Variants in THADA observed in about 807,000 individuals in gnomAD.
THADA encodes tRNA (32-2'-O)-methyltransferase regulator THADA.
THADA carries 213 observed loss-of-function variants against 219.8 expected under a neutral mutation model. The ratio of observed to expected loss-of-function variants is 0.97; its 90% CI spans 0.87 to 1.09. The LOEUF (loss-of-function observed/expected upper bound fraction) is 1.09, where lower values mean the gene tolerates loss of function less well. Ranked by LOEUF, THADA falls within the 50% of genes least tolerant of loss-of-function variation. The pLI is 0.00. For missense variants in THADA, 2,956 were observed against 2,311.3 expected (o/e 1.28, Z -5.72); for synonymous variants, 1,018 against 828.9 (o/e 1.23, Z -3.92).
In THADA at chr2:43,553,532, T is replaced by C. The variant is rs2103891703; in HGVS notation, c.2675-1193A>G. The stretch of plus-strand genomic sequence containing the variant: ...CCCTTATCAGGAGCTGGAAACTTGA[T>C]ATTGGAATTCTCTGCCTCTAAAATT... On this transcript the variant is annotated intron_variant, in intron 17 of 37. Coordinates refer to ENST00000405975, the MANE Select transcript of THADA (RefSeq NM_022065.5). 2.0e-5 allele frequency among the ~76,000 whole-genome samples: 3 copies of C among 152,270 alleles called. No homozygotes were observed. In the Middle Eastern group the frequency reaches 0.01, roughly 518 times the overall value.
chr2:43,425,743 G>A (rs1457757126), intron 28 of THADA, among the ~76,000 whole-genome samples: 1 of 152,146 alleles, frequency 6.6e-6, no homozygotes, highest in Non-Finnish European at 1.5e-5. Context: ...AATCAAGGGT[G>A]GTGCTTCTGC....
intron 25 of THADA, among the ~76,000 whole-genome samples, chr2:43,498,482 A>G (rs1688545471): frequency 6.6e-6 from 1 of 152,254 alleles, no homozygotes; most frequent in African/African-American, 2.4e-5. Context: ...AACAGCACAT[A>G]GATTGGGAGG....
intron 30 of THADA, among the ~76,000 whole-genome samples, chr2:43,339,291 A>G (rs1447909348): frequency 6.6e-6 from 1 of 152,092 alleles, no homozygotes; most frequent in Non-Finnish European, 1.5e-5. Context: ...TCATTCATTC[A>G]TTTTCTTGAG....
chr2:43,501,328 AAAAAAAAAAAAG>A, intron 24 of THADA, among the ~76,000 whole-genome samples: 1 of 146,432 alleles, frequency 6.8e-6, no homozygotes, highest in African/African-American at 2.6e-5. Context: ...AAAAAAAAAA[AAAAAAAAAAAAG>A]AGAGACTTTT....
chr2:43,248,230 G>GAC (rs1558464882), intron 36 of THADA, among the ~76,000 whole-genome samples: 1 of 142,916 alleles, frequency 7.0e-6, no homozygotes, highest in African/African-American at 2.7e-5. Flanking sequence ...GAGAGAGAGA[G>GAC]ACAGAGAGAG....
intron 29 of THADA, among the ~76,000 whole-genome samples, chr2:43,388,688 G>T (rs1175353722): frequency 6.6e-6 from 1 of 152,144 alleles, no homozygotes; most frequent in Admixed American, 6.6e-5. Context: ...TCTTTAACAT[G>T]ATCTACAGGA....
Position 43,428,111 on chromosome 2 carries a change from G to C in THADA, c.4047C>G (p.Pro1349=). Residue 1349 remains proline (P), a synonymous_variant, in exon 28 of 38, where the codon CCC becomes CCG. Transcript: ENST00000405975. ...CAGCATGACACTACCTCATAATGAA[G>C]GGAACAAAAGGTCCCATGCTGAGAG... ...SSALSMGPFV[P]FIMRCGHSPV... The C allele has an allele frequency of 6.2e-7, 1 of 1,607,824 alleles. No homozygotes were observed. Among genetic ancestry groups the C allele is most frequent in the Non-Finnish European group, 8.5e-7 (1 of 1,176,364 alleles).
At chr2:43,519,859 C>T (rs1015272798) in intron 22 of THADA, among the ~76,000 whole-genome samples, 1 of 152,178 alleles carries the variant, frequency 6.6e-6, no homozygotes, top group Non-Finnish European at 1.5e-5. Context: ...ATAGTGAGGT[C>T]ACTGTGCCTA....
At chr2:43,429,624 CAA>C (rs1643581317) in intron 27 of THADA, among the ~76,000 whole-genome samples, 2 of 151,642 alleles carry the variant, frequency 1.3e-5, no homozygotes, top group South Asian at 4.2e-4. Context: ...AAAGCAAACT[CAA>C]TATGTAAACA....
At chr2:43,542,303 C>G (rs1335032970) in intron 20 of THADA, among the ~76,000 whole-genome samples, 1 of 152,184 alleles carries the variant, frequency 6.6e-6, no homozygotes, top group Non-Finnish European at 1.5e-5. Flanking sequence ...AGAAGGAAGA[C>G]ATGGAATTGG....
At chr2:43,434,373 G>A (rs1679799810) in intron 26 of THADA, among the ~76,000 whole-genome samples, 1 of 152,220 alleles carries the variant, frequency 6.6e-6, no homozygotes, top group Non-Finnish European at 1.5e-5. Context: ...TCTGTCTCCG[G>A]CCTGTGCCCA....
chr2:43,300,618 G>C (rs1052242957), intron 31 of THADA, among the ~76,000 whole-genome samples: 1 of 152,172 alleles, frequency 6.6e-6, no homozygotes, highest in Non-Finnish European at 1.5e-5. Context: ...GAGAGGAGAG[G>C]AAAGGGCAAA....
rs1303670219 is a variant in THADA at position 43,577,092 on chromosome 2, C to T, written c.967G>A (p.Gly323Arg). ...GTLAMLDWQN[G>R]SMGRSGEALL... ...GCCTCCCCACTCCGACCCATGCTTC[C>T]GTTCTGCCAGTCCAACATGGCAAGT... Residue 323 changes from glycine to arginine, a missense_variant, in exon 10 of 38, where the codon GGA becomes AGA. By Grantham distance (125) the Gly-to-Arg change is moderately radical (BLOSUM62 -2). Transcript: ENST00000405975. 4 of 1,613,350 alleles carry T rather than the reference C, an allele frequency of 2.5e-6. No homozygotes were observed. Among genetic ancestry groups the T allele is most frequent in the Non-Finnish European group, 2.5e-6 (3 of 1,179,690 alleles).
chr2:43,511,433 T>C (rs1690431276), intron 22 of THADA, among the ~76,000 whole-genome samples: 1 of 152,204 alleles, frequency 6.6e-6, no homozygotes, highest in Non-Finnish European at 1.5e-5. Context: ...CATCTCACTA[T>C]GCATCACCCT....
chr2:43,356,764 A>G (rs185008103), intron 29 of THADA, among the ~76,000 whole-genome samples: 4 of 152,358 alleles, frequency 2.6e-5, no homozygotes, highest in East Asian at 3.9e-4. Context: ...AAAAATAAAC[A>G]TAAGTTGAAA....
At chr2:43,271,432 AC>A (rs1282283892) in intron 36 of THADA, among the ~76,000 whole-genome samples, 1 of 152,084 alleles carries the variant, frequency 6.6e-6, no homozygotes. Flanking sequence ...CAGCTCCCCC[AC>A]CAGGTAGATC....
At chr2:43,373,808 G>C (rs1304844562) in intron 29 of THADA, among the ~76,000 whole-genome samples, 2 of 152,110 alleles carry the variant, frequency 1.3e-5, no homozygotes, top group African/African-American at 4.8e-5. Context: ...CTCTCTATTG[G>C]AATACACCAG....
chr2:43,315,242 CAG>C (rs1409175373), intron 31 of THADA, among the ~76,000 whole-genome samples: 1 of 152,096 alleles, frequency 6.6e-6, no homozygotes, highest in African/African-American at 2.4e-5. Context: ...CATAATGAAA[CAG>C]AATTATGTTT....
chr2:43,395,333 C>T (rs10166376), intron 29 of THADA, among the ~76,000 whole-genome samples: 19,580 of 152,214 alleles, frequency 0.13, 1,657 homozygotes, highest in African/African-American at 0.24. Flanking sequence ...GAGTCTGACA[C>T]AATCAAGAGA....
Sources: gnomAD v4.1 joint callset for allele counts (sites outside exome capture counted in the v4.1 genomes callset) on GRCh38, gnomAD v4.1.1 for gene constraint, MANE v1.5 for transcripts, NCBI Gene and HGNC (gene_info 2026-07-23, HGNC 2026-07-21) for gene names.